ARHGEF10: variants seen among roughly 807,000 people sequenced by gnomAD.
ARHGEF10 encodes Rho guanine nucleotide exchange factor (GEF) 10.
ARHGEF10 carries 140 observed loss-of-function variants against 147.4 expected under a neutral mutation model. The observed-to-expected ratio is 0.95, with a 90% CI of 0.83 to 1.09. ARHGEF10 has a LOEUF of 1.09. ARHGEF10 is among the 50% of genes least tolerant of loss of function. The pLI is 0.00. For synonymous variants in ARHGEF10, 902 were observed against 695.8 expected, an observed-to-expected ratio of 1.30 and a Z score of -4.67; for missense variants, 2,222 against 1,752.7, an observed-to-expected ratio of 1.27 and a Z score of -4.78.
In ARHGEF10 at chr8:1,928,486, T is replaced by G; in HGVS notation, c.2757T>G (p.Thr919=). 3 of 1,590,938 alleles carry G rather than the reference T, an allele frequency of 1.9e-6. No individual in the cohort carries two copies. Among genetic ancestry groups the G allele is most frequent in the Non-Finnish European group, 2.6e-6 (3 of 1,166,236 alleles). Residue 919 remains threonine (T), a synonymous_variant, in exon 24 of 29, where the codon ACT becomes ACG. Transcript: ENST00000349830. ...QIAIVSFQNS[T]PKVIECFNVE... is the part of the protein sequence containing the mutation. ...CCATCGTCTCGTTTCAAAATTCCACTCCCAAAGTCATTGAGTGCTTCAACG... is the reference window on the plus strand; with the variant it reads ...CCATCGTCTCGTTTCAAAATTCCACGCCCAAAGTCATTGAGTGCTTCAACG...
intron 11 of ARHGEF10, 144 bp downstream of exon 11, chr8:1,885,851 C>T (rs924297578): frequency 1.4e-5 from 10 of 733,644 alleles, no homozygotes; most frequent in African/African-American, 6.9e-5. Flanking sequence ...GTTCCTGGCC[C>T]AGCACTTAGA....
chr8:1,953,429 G>T (rs79415055), intron 28 of ARHGEF10, among the ~76,000 whole-genome samples: 2 of 152,192 alleles, frequency 1.3e-5, no homozygotes, highest in African/African-American at 4.8e-5. Flanking sequence ...ATCCGAAAAG[G>T]CTCCATTGTG....
At chr8:1,914,381 G>A (rs1811598784) in intron 18 of ARHGEF10, among the ~76,000 whole-genome samples, 1 of 152,246 alleles carries the variant, frequency 6.6e-6, no homozygotes, top group South Asian at 2.1e-4. Context: ...ACCGATGTGG[G>A]ACCCCAGGAG....
At chr8:1,879,428 A>G (rs1288883323) in intron 8 of ARHGEF10, among the ~76,000 whole-genome samples, 1 of 152,300 alleles carries the variant, frequency 6.6e-6, no homozygotes, top group Middle Eastern at 3.4e-3. Flanking sequence ...CAAAATGTAA[A>G]CGAATGATTT....
intron 25 of ARHGEF10, 55 bp downstream of exon 25, chr8:1,929,498 G>C: frequency 6.5e-7 from 1 of 1,542,982 alleles, no homozygotes; most frequent in South Asian, 1.3e-5. Flanking sequence ...TCAGGGGACT[G>C]TGCATCCGGT....
At chr8:1,939,107 C>T (rs1214198076) in intron 26 of ARHGEF10, among the ~76,000 whole-genome samples, 3 of 152,162 alleles carry the variant, frequency 2.0e-5, no homozygotes, top group African/African-American at 4.8e-5. Context: ...CTGTGGAATC[C>T]CAGTCCCCGG....
intron 10 of ARHGEF10, among the ~76,000 whole-genome samples, chr8:1,883,599 A>G (rs1045669330): frequency 1.6e-4 from 25 of 152,204 alleles, no homozygotes; most frequent in African/African-American, 5.8e-4. Context: ...TTCAGTCCTA[A>G]TGAAGCCCTC....
intron 26 of ARHGEF10, among the ~76,000 whole-genome samples, chr8:1,936,046 T>C (rs1024868956): frequency 4.6e-5 from 7 of 152,232 alleles, no homozygotes; most frequent in African/African-American, 1.4e-4. Context: ...AAAGGCTACA[T>C]ACTTCCCCTC....
intron 1 of ARHGEF10, among the ~76,000 whole-genome samples, chr8:1,829,210 G>A (rs528002157): frequency 3.5e-4 from 54 of 152,340 alleles, no homozygotes; most frequent in African/African-American, 1.1e-3. Flanking sequence ...AACCCAGGGA[G>A]CTCCAGAGTT....
chr8:1,857,910 CT>C lies in ARHGEF10; in HGVS notation c.38-49del, dbSNP rs753288918. 7.0e-5 allele frequency: 95 copies of C among 1,357,024 alleles called. No individual in the cohort carries two copies. The Middle Eastern group carries it at 7.3e-4, about 10-fold the overall frequency. 84.1% of individuals were successfully genotyped at this position (1,357,024 alleles called of 1,614,324 possible). On this transcript the variant is annotated intron_variant, in intron 2 of 28. Transcript: ENST00000349830. Reference sequence around the variant, plus strand: ...TCTATCTATCTATCTATCTATCTATCTATCTATCTATCTATCTCTCCTTGAT... The same window carrying C: ...TCTATCTATCTATCTATCTATCTATCATCTATCTATCTATCTCTCCTTGAT...
At chr8:1,929,565 T>C (rs1343162040) in intron 25 of ARHGEF10, 122 bp downstream of exon 25, 4 of 1,198,224 alleles carry the variant, frequency 3.3e-6, no homozygotes, top group African/African-American at 3.5e-5. Flanking sequence ...CCTCCGCCCC[T>C]GCGCTCGTCA....
At chr8:1,908,331 C>T (rs770737128) in intron 17 of ARHGEF10, among the ~76,000 whole-genome samples, 5 of 150,368 alleles carry the variant, frequency 3.3e-5, no homozygotes, top group Non-Finnish European at 5.9e-5. Flanking sequence ...CCCGGGTTCA[C>T]GCCATTCTCC....
intron 25 of ARHGEF10, 148 bp downstream of exon 25, chr8:1,929,591 C>T (rs910406367): frequency 3.8e-5 from 35 of 930,944 alleles, no homozygotes; most frequent in Non-Finnish European, 4.6e-5. Flanking sequence ...GCCCAAGGCC[C>T]GGGTGCCTTG....
At chr8:1,845,747 G>A (rs1179493087) in intron 2 of ARHGEF10, among the ~76,000 whole-genome samples, 1 of 152,196 alleles carries the variant, frequency 6.6e-6, no homozygotes, top group African/African-American at 2.4e-5. Context: ...TGCATGAAAT[G>A]CCCATCCACC....
At chr8:1,932,985 CATT>C (rs1813274658) in intron 25 of ARHGEF10, among the ~76,000 whole-genome samples, 1 of 152,288 alleles carries the variant, frequency 6.6e-6, no homozygotes, top group East Asian at 1.9e-4. Flanking sequence ...AGGATAATTA[CATT>C]AGTCACTTTA....
chr8:1,846,486 G>GACAC (rs1804571975), intron 2 of ARHGEF10, among the ~76,000 whole-genome samples: 1 of 152,228 alleles, frequency 6.6e-6, no homozygotes. Context: ...CCTGCGTGGG[G>GACAC]ACACAGTTGG....
chr8:1,931,542 C>T (rs931523434), intron 25 of ARHGEF10, among the ~76,000 whole-genome samples: 2 of 152,090 alleles, frequency 1.3e-5, no homozygotes, highest in Non-Finnish European at 2.9e-5. Context: ...AAGAGCTGTC[C>T]GGCGTACCGT....
chr8:1,852,137 C>A (rs974414747), intron 2 of ARHGEF10, among the ~76,000 whole-genome samples: 2 of 152,188 alleles, frequency 1.3e-5, no homozygotes, highest in Non-Finnish European at 2.9e-5. Context: ...ACAACTGAGG[C>A]TCTTGGTCAC....
At chr8:1,843,087 G>A (rs1334713200) in intron 1 of ARHGEF10, among the ~76,000 whole-genome samples, 3 of 152,216 alleles carry the variant, frequency 2.0e-5, no homozygotes, top group Non-Finnish European at 2.9e-5. Flanking sequence ...CCTGGCTGGC[G>A]AATCCAATTT....
Sources: allele counts gnomAD v4.1 joint callset (sites outside exome capture counted in the v4.1 genomes callset), GRCh38; gene constraint gnomAD v4.1.1; transcripts MANE v1.5; gene names NCBI Gene and HGNC (gene_info 2026-07-23, HGNC 2026-07-21).